Variants in LOC128462377 observed in about 807,000 individuals in gnomAD.
At chr16:89,380,542 C>T in the LOC128462377 span, among the ~76,000 whole-genome samples, 1 of 129,560 alleles carries the variant, frequency 7.7e-6, no homozygotes, top group Non-Finnish European at 1.6e-5. Context: ...ACACAGGGCA[C>T]GAAGAGCAGC....
chr16:89,357,828 C>T, the LOC128462377 span, among the ~76,000 whole-genome samples: 18 of 152,208 alleles, frequency 1.2e-4, no homozygotes, highest in Non-Finnish European at 2.4e-4. Flanking sequence ...CACAGGACAA[C>T]GCTGCTGAAG....
chr16:89,324,518 C>T, the LOC128462377 span: 1 of 456,142 alleles, frequency 2.2e-6, no homozygotes, highest in Non-Finnish European at 4.4e-6. Context: ...AGGAAGCTGC[C>T]AAAGGAGATT....
the LOC128462377 span, chr16:89,324,871 C>T: frequency 1.1e-5 from 3 of 263,418 alleles, no homozygotes; most frequent in Non-Finnish European, 2.2e-5. Context: ...GACTTCACCT[C>T]ATGACTGTGT....
At chr16:89,361,709 A>G in the LOC128462377 span, 1 of 152,256 alleles carries the variant, frequency 6.6e-6, no homozygotes, top group Non-Finnish European at 1.5e-5. Flanking sequence ...GAAGATCACC[A>G]CCCAGAAATA....
chr16:89,412,357 C>T, the LOC128462377 span: 1 of 148,866 alleles, frequency 6.7e-6, no homozygotes, highest in Admixed American at 6.8e-5. Context: ...GCTGAGATGC[C>T]TCCCAGAGTC....
At chr16:89,403,948 C>G in the LOC128462377 span, among the ~76,000 whole-genome samples, 1 of 152,098 alleles carries the variant, frequency 6.6e-6, no homozygotes, top group African/African-American at 2.4e-5. Flanking sequence ...AACAACACAT[C>G]TTTATATTAT....
At chr16:89,351,196 G>A in the LOC128462377 span, among the ~76,000 whole-genome samples, 4 of 152,226 alleles carry the variant, frequency 2.6e-5, no homozygotes, top group Non-Finnish European at 5.9e-5. Flanking sequence ...GAGAGGCGGC[G>A]GCGGCAGCTG....
chr16:89,317,729 G>C, the LOC128462377 span, among the ~76,000 whole-genome samples: 3 of 152,208 alleles, frequency 2.0e-5, no homozygotes, highest in African/African-American at 7.2e-5. Context: ...CAGGAAATCC[G>C]AGGACACATA....
the LOC128462377 span, among the ~76,000 whole-genome samples, chr16:89,322,377 A>G: frequency 6.6e-6 from 1 of 152,106 alleles, no homozygotes; most frequent in Non-Finnish European, 1.5e-5. Context: ...TCCTCTCCTT[A>G]TGTAAGTTAA....
At chr16:89,394,239 T>G in the LOC128462377 span, among the ~76,000 whole-genome samples, 1 of 152,186 alleles carries the variant, frequency 6.6e-6, no homozygotes. Context: ...GGACTGCAGT[T>G]CCACAGTGGT....
chr16:89,392,108 G>A, the LOC128462377 span, among the ~76,000 whole-genome samples: 6 of 152,104 alleles, frequency 3.9e-5, no homozygotes, highest in African/African-American at 7.2e-5. Flanking sequence ...GTGAGGTCCC[G>A]TTCCAGCCAA....
chr16:89,392,815 G>A, the LOC128462377 span: 1 of 150,008 alleles, frequency 6.7e-6, no homozygotes, highest in Non-Finnish European at 1.5e-5. Context: ...TAAACACTAG[G>A]TTAGGAAAAA....
the LOC128462377 span, among the ~76,000 whole-genome samples, chr16:89,406,122 A>C: frequency 6.6e-6 from 1 of 152,032 alleles, no homozygotes; most frequent in Non-Finnish European, 1.5e-5. Flanking sequence ...AAAAAAAAAA[A>C]AAAAAAACCT....
chr16:89,385,461 G>A, the LOC128462377 span, among the ~76,000 whole-genome samples: 1 of 151,992 alleles, frequency 6.6e-6, no homozygotes, highest in South Asian at 2.1e-4. Context: ...AGAGCAGACT[G>A]AGCCCGTCCA....
At chr16:89,357,507 T>TTTTGTATA in the LOC128462377 span, among the ~76,000 whole-genome samples, 1 of 152,120 alleles carries the variant, frequency 6.6e-6, no homozygotes, top group Non-Finnish European at 1.5e-5. Flanking sequence ...GATCCAGCAG[T>TTTTGTATA]TCCCCTTCTG....
At chr16:89,378,636 T>C in the LOC128462377 span, among the ~76,000 whole-genome samples, 3 of 152,306 alleles carry the variant, frequency 2.0e-5, no homozygotes, top group East Asian at 3.9e-4. Flanking sequence ...CTTCTCTTGT[T>C]TGAAGACACT....
At chr16:89,325,829 G>C in the LOC128462377 span, among the ~76,000 whole-genome samples, 3 of 152,226 alleles carry the variant, frequency 2.0e-5, no homozygotes, top group Non-Finnish European at 4.4e-5. Context: ...TGCAGGACCT[G>C]TTCTTCTCAG....
chr16:89,352,023 G>C, the LOC128462377 span, among the ~76,000 whole-genome samples: 13 of 152,012 alleles, frequency 8.6e-5, no homozygotes, highest in Admixed American at 8.5e-4. Flanking sequence ...CAATTCTCAC[G>C]CCTCCGCTGA....
chr16:89,384,888 T>G, the LOC128462377 span, among the ~76,000 whole-genome samples: 8 of 117,540 alleles, frequency 6.8e-5, no homozygotes, highest in African/African-American at 2.3e-4. Flanking sequence ...TCTTTTTTTT[T>G]TTTTTTTTTT....
Sources: allele counts gnomAD v4.1 joint callset (sites outside exome capture counted in the v4.1 genomes callset), GRCh38; gene constraint gnomAD v4.1.1; transcripts MANE v1.5.